ARNT2: variants seen among roughly 807,000 people sequenced by gnomAD.
ARNT2 encodes aryl hydrocarbon receptor nuclear translocator 2, also known as ARNT protein 2.
In ARNT2, 36 loss-of-function variants were observed where a neutral mutation model predicts 91.7. That is an observed-to-expected ratio of 0.39 (90% CI 0.30 to 0.52). ARNT2 has a LOEUF of 0.52. ARNT2 is among the 20% of genes least tolerant of loss of function. The probability of loss-of-function intolerance (pLI) is 0.72; values close to 1 mark genes in which losing one functional copy is unlikely to be tolerated. For synonymous variants in ARNT2, 365 were observed against 347.1 expected, an observed-to-expected ratio of 1.05 and a Z score of -0.57; for missense variants, 775 against 939.3, an observed-to-expected ratio of 0.83 and a Z score of 2.29.
intron 3 of ARNT2, among the ~76,000 whole-genome samples, chr15:80,459,312 G>C (rs572785253): frequency 6.6e-6 from 1 of 152,146 alleles, no homozygotes; most frequent in Non-Finnish European, 1.5e-5. Flanking sequence ...GTTTTCCCTC[G>C]GTGCAGACAG....
chr15:80,465,584 C>A (rs190773247), intron 3 of ARNT2, among the ~76,000 whole-genome samples: 2 of 152,314 alleles, frequency 1.3e-5, no homozygotes, highest in Middle Eastern at 3.4e-3. Flanking sequence ...ATTTCAAGTG[C>A]TGACTTCTCA....
intron 11 of ARNT2, chr15:80,555,440 A>G (rs1358175163): frequency 1.4e-5 from 5 of 351,022 alleles, no homozygotes; most frequent in Non-Finnish European, 2.1e-5. Flanking sequence ...CAGGGGAGAG[A>G]ATAACTGGGA....
rs187105546 is a variant in ARNT2, at chr15:80,541,113, A to G, written c.878-10086A>G. ...TAATTTACATTCCCACCAACAGTGT[A>G]TAAGCATTCCCTTTTCTCTGCAGCT... On this transcript the variant is annotated intron_variant, in intron 8 of 18. Coordinates refer to ENST00000303329, the MANE Select transcript of ARNT2 (RefSeq NM_014862.4). Among the ~76,000 whole-genome samples the G allele has an allele frequency of 6.6e-5, 10 of 152,340 alleles. No homozygotes were observed. The East Asian group carries it at 1.9e-3, about 29-fold the overall frequency.
In ARNT2 at chr15:80,505,220, G is replaced by A. The variant is rs1423219422; in HGVS notation, c.623-2936G>A. Among the ~76,000 whole-genome samples, 9 of 152,174 alleles carry A rather than the reference G, an allele frequency of 5.9e-5. No individual in the cohort carries two copies. The East Asian group carries it at 1.2e-3, about 20-fold the overall frequency. Reference sequence around the variant, plus strand: ...GGACCAGCGAGTCTGAGTGACTGGCGTCACATAAATGGTAGAGCCATAATC... The same window carrying A: ...GGACCAGCGAGTCTGAGTGACTGGCATCACATAAATGGTAGAGCCATAATC... On this transcript the variant is annotated intron_variant, in intron 5 of 18. Coordinates refer to ENST00000303329, the MANE Select transcript of ARNT2 (RefSeq NM_014862.4).
At chr15:80,519,279 C>A (rs1897494589) in intron 8 of ARNT2, among the ~76,000 whole-genome samples, 1 of 151,802 alleles carries the variant, frequency 6.6e-6, no homozygotes, top group East Asian at 1.9e-4. Context: ...TTGAGGGCTT[C>A]GATATTTAAA....
At chr15:80,526,598 G>T (rs1309904690) in intron 8 of ARNT2, among the ~76,000 whole-genome samples, 2 of 152,238 alleles carry the variant, frequency 1.3e-5, no homozygotes, top group African/African-American at 4.8e-5. Flanking sequence ...ACCCAGAGCA[G>T]GTGAACTCCC....
intron 1 of ARNT2, among the ~76,000 whole-genome samples, chr15:80,443,851 A>G (rs1896235053): frequency 6.6e-6 from 1 of 152,214 alleles, no homozygotes; most frequent in Non-Finnish European, 1.5e-5. Flanking sequence ...AGACGAGAGA[A>G]GGTTGAAGGA....
chr15:80,491,982 G>A (rs1326059531), intron 5 of ARNT2, among the ~76,000 whole-genome samples: 1 of 152,026 alleles, frequency 6.6e-6, no homozygotes. Context: ...CTACACAGGT[G>A]TACGTCTATT....
At chr15:80,495,005 A>C (rs1897107111) in intron 5 of ARNT2, among the ~76,000 whole-genome samples, 1 of 152,112 alleles carries the variant, frequency 6.6e-6, no homozygotes. Flanking sequence ...TGCTTGGCGG[A>C]AAGGCTCTTC....
intron 11 of ARNT2, chr15:80,562,735 A>C (rs746880885): frequency 9.6e-5 from 28 of 290,182 alleles, no homozygotes; most frequent in Non-Finnish European, 1.4e-4. Context: ...CACCAAACCC[A>C]GAGTACCCTA....
intron 8 of ARNT2, among the ~76,000 whole-genome samples, chr15:80,534,991 C>A (rs191941814): frequency 6.6e-6 from 1 of 152,218 alleles, no homozygotes; most frequent in Non-Finnish European, 1.5e-5. Flanking sequence ...TTCAGAGACC[C>A]AACAAATCAG....
chr15:80,442,661 G>T (rs1380938980), intron 1 of ARNT2, among the ~76,000 whole-genome samples: 3 of 152,244 alleles, frequency 2.0e-5, no homozygotes, highest in Non-Finnish European at 4.4e-5. Context: ...GAAGTAGGCT[G>T]CTACTGAATG....
At chr15:80,515,078 A>G (rs1897411347) in intron 8 of ARNT2, among the ~76,000 whole-genome samples, 1 of 152,248 alleles carries the variant, frequency 6.6e-6, no homozygotes, top group Non-Finnish European at 1.5e-5. Context: ...GATACATCGT[A>G]TTCTCACTAA....
intron 3 of ARNT2, among the ~76,000 whole-genome samples, chr15:80,469,337 G>A (rs77222344): frequency 6.6e-6 from 1 of 151,984 alleles, no homozygotes; most frequent in African/African-American, 2.4e-5. Flanking sequence ...TAAGCCAGGG[G>A]TGTACCTGTT....
At chr15:80,414,763 CTCTCTTT>C (rs763345180) in intron 1 of ARNT2, among the ~76,000 whole-genome samples, 1 of 146,850 alleles carries the variant, frequency 6.8e-6, no homozygotes, top group Admixed American at 6.7e-5. Context: ...TGTGTTCTCT[CTCTCTTT>C]TTTTTTTTTT....
At chr15:80,536,441 C>T (rs1323357362) in intron 8 of ARNT2, among the ~76,000 whole-genome samples, 2 of 152,084 alleles carry the variant, frequency 1.3e-5, no homozygotes, top group Non-Finnish European at 2.9e-5. Flanking sequence ...TTACTGTGCA[C>T]CTGGTTGACA....
Position 80,404,600 on chromosome 15 carries a change from G to A in ARNT2, c.31+54G>A. On this transcript the variant is annotated intron_variant, in intron 1 of 18. Coordinates refer to ENST00000303329, the MANE Select transcript of ARNT2 (RefSeq NM_014862.4). This position sits in a 1 kb window ranked among gnomAD's most constrained non-coding sequence, Gnocchi z 5.5. ...GCCGCAGCCCGCAGGCCTTGCCCGG[G>A]GCCGGAGCGGACCAGGCGCGCCGGG... 2 of 1,026,350 alleles carry A rather than the reference G, an allele frequency of 1.9e-6. No homozygotes were observed. Among genetic ancestry groups the A allele is most frequent in the Non-Finnish European group, 2.3e-6 (2 of 857,074 alleles). The allele number at this position is 1,026,350 out of a possible 1,614,324, so 63.6% of individuals were successfully genotyped here. A position where few individuals can be genotyped will look rare whatever the true frequency, so the allele number is the denominator to read the frequency against.
At chr15:80,493,850 ATGGCC>A (rs1897088587) in intron 5 of ARNT2, among the ~76,000 whole-genome samples, 1 of 152,090 alleles carries the variant, frequency 6.6e-6, no homozygotes, top group African/African-American at 2.4e-5. Context: ...TCCCTCACTA[ATGGCC>A]TGGTGCCCTC....
intron 18 of ARNT2, among the ~76,000 whole-genome samples, chr15:80,592,231 C>A (rs1371684148): frequency 6.6e-6 from 1 of 152,226 alleles, no homozygotes; most frequent in Non-Finnish European, 1.5e-5. Flanking sequence ...TTATTTGAGA[C>A]CTTTCTAGAC....
Sources: gnomAD v4.1 joint callset for allele counts (sites outside exome capture counted in the v4.1 genomes callset) on GRCh38, gnomAD v4.1.1 for gene constraint, Gnocchi (gnomAD v3.1) non-coding constraint, MANE v1.5 for transcripts, NCBI Gene and HGNC (gene_info 2026-07-23, HGNC 2026-07-21) for gene names.